IPPK: variants seen among roughly 807,000 people sequenced by gnomAD.
IPPK encodes inositol-pentakisphosphate 2-kinase.
Under a neutral mutation model 64.6 loss-of-function variants are expected in IPPK, and 22 were observed. The observed-to-expected ratio is 0.34, with a 90% CI of 0.24 to 0.49. The LOEUF is 0.49. Ranked by LOEUF, IPPK falls within the 20% of genes least tolerant of loss-of-function variation. The pLI, the probability that IPPK is intolerant of heterozygous loss-of-function variation, is 0.99. For missense variants in IPPK, 532 were observed against 630.7 expected (o/e 0.84, Z 1.68); for synonymous variants, 262 against 247.2 (o/e 1.06, Z -0.56).
chr9:92,640,795 A>G lies in IPPK; in HGVS notation c.564-13T>C. 6.3e-7 allele frequency: 1 copy of G among 1,593,590 alleles called. No individual in the cohort carries two copies. Among genetic ancestry groups the G allele is most frequent in the South Asian group, 1.1e-5 (1 of 90,690 alleles). On this transcript the variant is annotated splice_polypyrimidine_tract_variant and intron_variant, in intron 7 of 12. Coordinates refer to ENST00000287996, the MANE Select transcript of IPPK (RefSeq NM_022755.6). The stretch of plus-strand genomic sequence containing the variant: ...TCTCTGTTTGTTTCTAAAAGGGAAA[A>G]GCATTAACATGCTTTAAATGCAGCT...
intron 12 of IPPK, chr9:92,618,405 A>C (rs1275378470): frequency 2.2e-6 from 1 of 456,650 alleles, no homozygotes. Context: ...CTGACCAGGC[A>C]CTAAGAGATT....
intron 6 of IPPK, among the ~76,000 whole-genome samples, chr9:92,645,713 T>G (rs941406601): frequency 6.6e-6 from 1 of 152,050 alleles, no homozygotes; most frequent in Non-Finnish European, 1.5e-5. Context: ...TCATGACATA[T>G]CCTCAGTGCT....
Position 92,670,045 on chromosome 9 carries a change from C to T in IPPK, c.-57G>A. On this transcript the variant is annotated 5_prime_UTR_variant, in exon 1 of 13. Transcript: ENST00000287996. ...AGGACTCGGGGACGCGAGCTGGGGG[C>T]CGCCCGCCTCGCTGGGAACCAGCCG... The T allele has an allele frequency of 7.6e-7, 1 of 1,309,408 alleles. No individual in the cohort carries two copies. Among genetic ancestry groups the T allele is most frequent in the Non-Finnish European group, 1.1e-6 (1 of 941,516 alleles). The allele number at this position is 1,309,408 out of a possible 1,614,324, so 81.1% of individuals were successfully genotyped here.
intron 9 of IPPK, among the ~76,000 whole-genome samples, chr9:92,637,538 A>T (rs561546688): frequency 6.9e-4 from 105 of 152,276 alleles, no homozygotes; most frequent in African/African-American, 2.5e-3. Flanking sequence ...CCCGCAGTCC[A>T]AAGGCCCCAT....
intron 3 of IPPK, among the ~76,000 whole-genome samples, chr9:92,655,334 C>T (rs907246511): frequency 6.6e-6 from 1 of 152,240 alleles, no homozygotes; most frequent in African/African-American, 2.4e-5. Context: ...CGCCAGAGCC[C>T]AGCGGCGTCC....
At chr9:92,628,609 C>T (rs1439198033) in intron 11 of IPPK, among the ~76,000 whole-genome samples, 1 of 152,198 alleles carries the variant, frequency 6.6e-6, no homozygotes, top group Non-Finnish European at 1.5e-5. Flanking sequence ...GGCACGGTGG[C>T]TCACAACTGT....
At chr9:92,618,310 C>T (rs1206139206) in intron 12 of IPPK, 3 of 456,646 alleles carry the variant, frequency 6.6e-6, no homozygotes, top group African/African-American at 4.0e-5. Flanking sequence ...CCCCTCCCCT[C>T]CTAGTGTCGT....
chr9:92,616,339 A>G (rs1851434111), intron 12 of IPPK: 1 of 358,964 alleles, frequency 2.8e-6, no homozygotes, highest in African/African-American at 2.1e-5. Context: ...AGTGCACCCC[A>G]CCATACCAGG....
chr9:92,658,829 C>T lies in IPPK; in HGVS notation c.82-148G>A. The T allele has an allele frequency of 1.6e-5, 11 of 694,968 alleles. No homozygotes were observed. The South Asian group carries it at 2.1e-4, about 13-fold the overall frequency. 43.1% of individuals were successfully genotyped at this position (694,968 alleles called of 1,614,324 possible). On this transcript the variant is annotated intron_variant, in intron 1 of 12. Coordinates refer to ENST00000287996, the MANE Select transcript of IPPK (RefSeq NM_022755.6). ...CTGGGAAGCCCCCAGGGCAGGGAGG[C>T]CAGGGCTGGGACCCAGCAAGGGCAC...
chr9:92,646,093 C>T (rs1220464035), intron 6 of IPPK, among the ~76,000 whole-genome samples: 1 of 152,162 alleles, frequency 6.6e-6, no homozygotes, highest in Non-Finnish European at 1.5e-5. Context: ...ATCCCAATAA[C>T]AGCACAAAGG....
intron 1 of IPPK, among the ~76,000 whole-genome samples, chr9:92,664,082 C>T (rs1013502130): frequency 1.3e-5 from 2 of 152,248 alleles, no homozygotes; most frequent in African/African-American, 4.8e-5. Flanking sequence ...CCAGCTCCAG[C>T]TCTGTCCCAG....
intron 5 of IPPK, among the ~76,000 whole-genome samples, chr9:92,648,537 A>C (rs996399761): frequency 6.6e-6 from 1 of 152,218 alleles, no homozygotes; most frequent in African/African-American, 2.4e-5. Flanking sequence ...ACATGGCCCG[A>C]CAGAGGCCCA....
intron 11 of IPPK, among the ~76,000 whole-genome samples, chr9:92,634,123 A>G (rs1371629416): frequency 6.6e-6 from 1 of 152,224 alleles, no homozygotes; most frequent in East Asian, 1.9e-4. Context: ...GATGGGTTGC[A>G]GATCGGCCGC....
intron 4 of IPPK, 80 bp from the exon 5 acceptor site, chr9:92,649,654 T>G (rs1282469257): frequency 1.3e-6 from 2 of 1,538,508 alleles, no homozygotes; most frequent in Non-Finnish European, 1.8e-6. Flanking sequence ...AGGCCCCGCC[T>G]TGTCCCTGGT....
chr9:92,628,791 C>A (rs1018275125), intron 11 of IPPK, among the ~76,000 whole-genome samples: 2 of 152,024 alleles, frequency 1.3e-5, no homozygotes, highest in Admixed American at 6.6e-5. Flanking sequence ...GGAGGAGAAT[C>A]GCTTGAACCC....
At chr9:92,648,428 G>A (rs1852191816) in intron 5 of IPPK, among the ~76,000 whole-genome samples, 1 of 152,186 alleles carries the variant, frequency 6.6e-6, no homozygotes, top group South Asian at 2.1e-4. Context: ...ATAGCTTCAT[G>A]CTTTCATTCA....
At chr9:92,641,360 T>C (rs1852043266) in intron 7 of IPPK, among the ~76,000 whole-genome samples, 1 of 152,298 alleles carries the variant, frequency 6.6e-6, no homozygotes, top group South Asian at 2.1e-4. Flanking sequence ...ACCCTGCCAG[T>C]AGGGACAGCC....
chr9:92,615,093 C>A lies in IPPK; in HGVS notation c.*739G>T, dbSNP rs1851391491. On this transcript the variant is annotated 3_prime_UTR_variant, in exon 13 of 13. Transcript: ENST00000287996. ...GCTCCACCTCCAACTTCTACAGCAGCAATTTTTAGTGGGAAAGAACAGCTC... is the reference window on the plus strand; with the variant it reads ...GCTCCACCTCCAACTTCTACAGCAGAAATTTTTAGTGGGAAAGAACAGCTC... The A allele has an allele frequency of 6.6e-6, 1 of 152,146 alleles. No homozygotes were observed. The highest frequency in any genetic ancestry group is 2.4e-5 in the African/African-American group (1 of 41,382). The allele number at this position is 152,146 out of a possible 1,614,324, so 9.4% of individuals were successfully genotyped here.
intron 1 of IPPK, 134 bp downstream of exon 1, chr9:92,669,774 G>C (rs1177289727): frequency 3.1e-6 from 2 of 637,258 alleles, no homozygotes; most frequent in African/African-American, 3.8e-5. Context: ...GGGGAATTCC[G>C]GAGACCGGCC....
Sources: gnomAD v4.1 joint callset for allele counts (sites outside exome capture counted in the v4.1 genomes callset) on GRCh38, gnomAD v4.1.1 for gene constraint, MANE v1.5 for transcripts, NCBI Gene and HGNC (gene_info 2026-07-23, HGNC 2026-07-21) for gene names.